Variants in BRD1 observed in about 807,000 individuals in gnomAD.
BRD1 encodes bromodomain-containing protein 1.
Under a neutral mutation model 107.7 loss-of-function variants are expected in BRD1, and 24 were observed. That is an observed-to-expected ratio of 0.22 (90% CI 0.16 to 0.31). The LOEUF is 0.31. BRD1 is among the 10% of genes least tolerant of loss of function. The pLI, the probability that BRD1 is intolerant of heterozygous loss-of-function variation, is 1.00. For missense variants in BRD1, 1,279 were observed against 1,638.6 expected (o/e 0.78, Z 3.79); for synonymous variants, 744 against 686.1 (o/e 1.08, Z -1.32).
intron 8 of BRD1, among the ~76,000 whole-genome samples, chr22:49,778,775 C>T (rs2059149465): frequency 1.3e-5 from 2 of 152,198 alleles, no homozygotes; most frequent in South Asian, 2.1e-4. Context: ...CATTCTCCTG[C>T]CTCAGCCTCC....
intron 2 of BRD1, among the ~76,000 whole-genome samples, chr22:49,819,670 C>T (rs930081177): frequency 1.3e-5 from 2 of 150,868 alleles, no homozygotes; most frequent in African/African-American, 2.4e-5. Context: ...AGGCTGGTCT[C>T]GAACTCCTGA....
At chr22:49,774,744 C>T (rs566259952) in intron 12 of BRD1, among the ~76,000 whole-genome samples, 4 of 152,238 alleles carry the variant, frequency 2.6e-5, no homozygotes, top group African/African-American at 7.2e-5. Context: ...GAGCAGAGGC[C>T]GGTGGTTGGG....
intron 5 of BRD1, 38 bp from the exon 6 acceptor site, chr22:49,798,155 A>T: frequency 6.5e-7 from 1 of 1,541,426 alleles, no homozygotes; most frequent in Non-Finnish European, 8.8e-7. Flanking sequence ...TTACAAACTA[A>T]AACAGGATAT....
chr22:49,819,928 A>G (rs12160852), intron 2 of BRD1, among the ~76,000 whole-genome samples: 54,216 of 151,614 alleles, frequency 0.36, 14,112 homozygotes, highest in African/African-American at 0.74. Context: ...TCAGCAGTTC[A>G]AGACCAGCCT....
At chr22:49,804,061 C>T (rs2059694104) in intron 3 of BRD1, 143 bp downstream of exon 3, 1 of 647,524 alleles carries the variant, frequency 1.5e-6, no homozygotes, top group Admixed American at 3.9e-5. Context: ...TCCTACAGCT[C>T]CAGGGCTGGA....
At chr22:49,779,268 C>T (rs116627492) in intron 8 of BRD1, among the ~76,000 whole-genome samples, 195 of 152,270 alleles carry the variant, frequency 1.3e-3, no homozygotes, top group African/African-American at 4.4e-3. Context: ...GTACGCTTCC[C>T]GTCTGTTCTC....
chr22:49,813,968 C>T (rs566615707), intron 2 of BRD1, among the ~76,000 whole-genome samples: 13 of 152,130 alleles, frequency 8.5e-5, no homozygotes, highest in South Asian at 8.3e-4. Flanking sequence ...TTGAGGAGTA[C>T]GATGAAATGA....
chr22:49,824,006 G>C lies in BRD1; in HGVS notation c.312C>G (p.Leu104=). Residue 104 remains leucine (L), a synonymous_variant, in exon 2 of 13, where the codon CTC becomes CTG. Transcript: ENST00000404760. This position sits in a 1 kb window ranked among gnomAD's most constrained non-coding sequence, Gnocchi z 5.9. ...NNRVKKKNEA[L]PSAHGTPASA... is the part of the protein sequence containing the mutation. ...AGGCCGGCGTGCCGTGGGCGCTGGG[G>C]AGGGCCTCGTTTTTCTTTTTGACTC... 1.2e-6 allele frequency: 2 copies of C among 1,613,884 alleles called. No individual in the cohort carries two copies. Among genetic ancestry groups the C allele is most frequent in the Non-Finnish European group, 1.7e-6 (2 of 1,180,046 alleles).
chr22:49,800,642 G>A (rs141964050), intron 3 of BRD1, among the ~76,000 whole-genome samples: 146 of 152,280 alleles, frequency 9.6e-4, no homozygotes, highest in African/African-American at 3.4e-3. Context: ...TTTAACAAAC[G>A]CCATCGGCAG....
rs1476236157 is a variant in BRD1, at chr22:49,803,938, C to CGGGCA, written c.1524+261_1524+265dup. ...TGGCCACTGCCCATCAGCGTGTGTG[C>CGGGCA]GGGCAGGGCAGGGCGGGGGAGCGCA... On this transcript the variant is annotated intron_variant, in intron 3 of 12. Coordinates refer to ENST00000404760, the MANE Select transcript of BRD1 (RefSeq NM_001304808.3). The surrounding 1 kb of genome is among the most constrained non-coding windows in gnomAD (Gnocchi z 4.4). 1.3e-5 allele frequency among the ~76,000 whole-genome samples: 2 copies of CGGGCA among 152,220 alleles called. No homozygotes were observed. Among genetic ancestry groups the CGGGCA allele is most frequent in the African/African-American group, 4.8e-5 (2 of 41,458 alleles).
rs1261507988 is a variant in BRD1 at position 49,827,704 on chromosome 22, C to CAGCGCG, written c.-223_-222insCGCGCT. ...GCGGACTCTCGGGCAGCGGCTCGCG[C>CAGCGCG]GGCGCGGGCTCGGGCTCGGGGCCCA... On this transcript the variant is annotated 5_prime_UTR_variant, in exon 1 of 13. Transcript: ENST00000404760. Among the ~76,000 whole-genome samples, 2 of 144,662 alleles carry CAGCGCG rather than the reference C, an allele frequency of 1.4e-5. No homozygotes were observed. The highest frequency in any genetic ancestry group is 3.1e-5 in the Non-Finnish European group (2 of 65,314). The allele number at this position is 144,662 out of a possible 152,430, so 94.9% of individuals were successfully genotyped here.
chr22:49,808,953 C>T (rs925589941), intron 2 of BRD1, among the ~76,000 whole-genome samples: 7 of 151,424 alleles, frequency 4.6e-5, no homozygotes, highest in African/African-American at 1.7e-4. Flanking sequence ...CCCATCTCTA[C>T]TAAAAATACA....
chr22:49,780,076 C>T (rs1182379742), intron 8 of BRD1, among the ~76,000 whole-genome samples: 2 of 152,144 alleles, frequency 1.3e-5, no homozygotes, highest in South Asian at 4.1e-4. Context: ...GGCCGAGCAA[C>T]GGCCACTTGG....
chr22:49,781,497 C>T (rs114930547), intron 8 of BRD1, among the ~76,000 whole-genome samples: 204 of 152,368 alleles, frequency 1.3e-3, no homozygotes, highest in African/African-American at 4.7e-3. Flanking sequence ...ACCACAAATC[C>T]TCCAGGCCAC....
chr22:49,793,595 C>T (rs1324386155), intron 7 of BRD1, among the ~76,000 whole-genome samples: 3 of 152,158 alleles, frequency 2.0e-5, no homozygotes, highest in Non-Finnish European at 4.4e-5. Flanking sequence ...TAAAACAGCC[C>T]TTTCAAAATG....
chr22:49,774,669 G>C (rs1020815031), intron 12 of BRD1, among the ~76,000 whole-genome samples: 1 of 152,214 alleles, frequency 6.6e-6, no homozygotes, highest in African/African-American at 2.4e-5. Context: ...CCTCCAAAAC[G>C]TTTCCCAGTG....
intron 6 of BRD1, 64 bp from the exon 7 acceptor site, chr22:49,794,358 G>T: frequency 1.3e-6 from 2 of 1,537,074 alleles, no homozygotes; most frequent in South Asian, 1.2e-5. Flanking sequence ...ACACATCACC[G>T]GTCCCGTCTT....
chr22:49,827,841 C>T lies in BRD1; in HGVS notation c.-359G>A, dbSNP rs1265628645. Among the ~76,000 whole-genome samples the T allele has an allele frequency of 1.4e-5, 2 of 142,678 alleles. No homozygotes were observed. The highest frequency in any genetic ancestry group is 3.1e-5 in the Non-Finnish European group (2 of 65,160). 93.6% of individuals were successfully genotyped at this position (142,678 alleles called of 152,430 possible). A position where few individuals can be genotyped will look rare whatever the true frequency, so the allele number is the denominator to read the frequency against. On this transcript the variant is annotated 5_prime_UTR_variant, in exon 1 of 13. Transcript: ENST00000404760. The stretch of plus-strand genomic sequence containing the variant: ...GCTGGCTCGGACTCCAGGGCCGGGT[C>T]GCTCGCTCGCTCCCCAGCGAAGCAA...
At chr22:49,786,727 G>C (rs2059332810) in intron 8 of BRD1, among the ~76,000 whole-genome samples, 1 of 152,166 alleles carries the variant, frequency 6.6e-6, no homozygotes, top group African/African-American at 2.4e-5. Flanking sequence ...AGTGCTGGGA[G>C]CGGCCAGTCA....
Sources: gnomAD v4.1 joint callset for allele counts (sites outside exome capture counted in the v4.1 genomes callset) on GRCh38, gnomAD v4.1.1 for gene constraint, Gnocchi (gnomAD v3.1) non-coding constraint, MANE v1.5 for transcripts, NCBI Gene and HGNC (gene_info 2026-07-23, HGNC 2026-07-21) for gene names.